GPC6: variants seen among roughly 807,000 people sequenced by gnomAD.
The protein encoded by GPC6 is glypican-6.
A neutral mutation model predicts 55.2 loss-of-function variants in GPC6; 14 were observed. The ratio of observed to expected loss-of-function variants is 0.25; its 90% CI spans 0.17 to 0.40. The LOEUF (loss-of-function observed/expected upper bound fraction) is 0.40. Ranked by LOEUF, GPC6 falls within the 10% of genes least tolerant of loss-of-function variation. GPC6 has a pLI of 1.00. For synonymous variants in GPC6, 278 were observed against 259.6 expected, an observed-to-expected ratio of 1.07 and a Z score of -0.68; for missense variants, 641 against 708.5, an observed-to-expected ratio of 0.90 and a Z score of 1.08.
intron 1 of GPC6, among the ~76,000 whole-genome samples, chr13:93,427,091 T>C (rs1391790327): frequency 6.7e-6 from 1 of 149,616 alleles, no homozygotes; most frequent in African/African-American, 2.4e-5. Context: ...GGTTGTTTGT[T>C]TTTTTCTTGT....
At chr13:94,010,107 A>T (rs552697723) in intron 3 of GPC6, among the ~76,000 whole-genome samples, 48 of 152,224 alleles carry the variant, frequency 3.2e-4, no homozygotes, top group Non-Finnish European at 5.7e-4. Flanking sequence ...ATCGATGCTT[A>T]TTATGAGAGA....
Position 94,012,037 on chromosome 13 carries a change from G to A in GPC6, c.712-15692G>A, listed in dbSNP as rs149320094. Among the ~76,000 whole-genome samples, 415 of 152,022 alleles carry A rather than the reference G, an allele frequency of 2.7e-3. 3 individuals are homozygous for A. The highest frequency in any genetic ancestry group is 9.6e-3 in the African/African-American group (399 of 41,466). On this transcript the variant is annotated intron_variant, in intron 3 of 8. Coordinates refer to ENST00000377047, the MANE Select transcript of GPC6 (RefSeq NM_005708.5). ...GTCTTTTTTTCTCCTTTCAAAGACC[G>A]CCATCTTATTTTCTTTGTCCTTTGA...
intron 2 of GPC6, among the ~76,000 whole-genome samples, chr13:93,641,893 A>C (rs1190460934): frequency 6.6e-6 from 1 of 152,138 alleles, no homozygotes; most frequent in East Asian, 1.9e-4. Flanking sequence ...CCAAATGAAT[A>C]CTTAATTTCA....
At chr13:93,711,557 A>G (rs147802668) in intron 2 of GPC6, among the ~76,000 whole-genome samples, 152 of 150,520 alleles carry the variant, frequency 1.0e-3, no homozygotes, top group Middle Eastern at 3.4e-3. Context: ...AGACATAAAT[A>G]TGTCATCCCA....
intron 1 of GPC6, among the ~76,000 whole-genome samples, chr13:93,521,794 A>G (rs1881431691): frequency 6.6e-6 from 1 of 152,000 alleles, no homozygotes; most frequent in South Asian, 2.1e-4. Context: ...ATAATGACAT[A>G]GTTGAGGGTG....
chr13:93,711,055 T>C (rs1005406811), intron 2 of GPC6, among the ~76,000 whole-genome samples: 18 of 151,770 alleles, frequency 1.2e-4, no homozygotes, highest in Admixed American at 1.2e-3. Flanking sequence ...TTTAAATTCA[T>C]TACAGATTAA....
Position 93,830,636 on chromosome 13 carries a change from A to AC in GPC6, c.711+91_711+92insC, listed in dbSNP as rs774467544. On this transcript the variant is annotated intron_variant, in intron 3 of 8. Transcript: ENST00000377047. The stretch of plus-strand genomic sequence containing the variant: ...TTAAAAAAAAAAAAAAAAAAAAAAA[A>AC]AACCAAGGTAAAAATTCTTAATTGG... The AC allele has an allele frequency of 3.8e-5, 44 of 1,157,948 alleles. No individual in the cohort carries two copies. The African/African-American group carries it at 5.4e-4, about 14-fold the overall frequency. 71.7% of individuals were successfully genotyped at this position (1,157,948 alleles called of 1,614,324 possible). A position where few individuals can be genotyped will look rare whatever the true frequency, so the allele number is the denominator to read the frequency against.
At chr13:93,835,394 G>A (rs976148264) in intron 3 of GPC6, among the ~76,000 whole-genome samples, 21 of 152,224 alleles carry the variant, frequency 1.4e-4, no homozygotes, top group East Asian at 5.8e-4. Flanking sequence ...GGTGGAGGTC[G>A]TAGTGAGCCG....
intron 2 of GPC6, among the ~76,000 whole-genome samples, chr13:93,587,933 C>A (rs1353442815): frequency 6.6e-6 from 1 of 152,184 alleles, no homozygotes; most frequent in Non-Finnish European, 1.5e-5. Context: ...GAGCTCTCTC[C>A]AGCCTACAGT....
intron 2 of GPC6, among the ~76,000 whole-genome samples, chr13:93,774,209 G>A (rs9556323): frequency 0.044 from 6,633 of 152,192 alleles, 378 homozygotes; most frequent in East Asian, 0.3. Flanking sequence ...CCTAAGTAAC[G>A]CAGGTGGCCA....
chr13:94,217,217 A>G (rs1890252927), intron 4 of GPC6, among the ~76,000 whole-genome samples: 4 of 152,202 alleles, frequency 2.6e-5, no homozygotes, highest in African/African-American at 7.2e-5. Context: ...GTCAGTAAGT[A>G]CAGAATTCAA....
At chr13:93,364,510 GGT>G (rs1347724589) in intron 1 of GPC6, among the ~76,000 whole-genome samples, 5 of 151,698 alleles carry the variant, frequency 3.3e-5, no homozygotes, top group Non-Finnish European at 5.9e-5. Flanking sequence ...ATGTTGCTGT[GGT>G]GTGTCATTTA....
At chr13:93,727,630 A>G (rs1883689135) in intron 2 of GPC6, among the ~76,000 whole-genome samples, 1 of 152,174 alleles carries the variant, frequency 6.6e-6, no homozygotes, top group Admixed American at 6.5e-5. Context: ...CACAAAACCA[A>G]GCATGAAACC....
At chr13:93,846,629 A>G (rs1467336847) in intron 3 of GPC6, among the ~76,000 whole-genome samples, 1 of 152,198 alleles carries the variant, frequency 6.6e-6, no homozygotes, top group Non-Finnish European at 1.5e-5. Context: ...TCTGGCCAAC[A>G]TGGTGAAACC....
At chr13:93,467,575 C>CT (rs11426472) in intron 1 of GPC6, among the ~76,000 whole-genome samples, 21,646 of 74,206 alleles carry the variant, frequency 0.29, 4,445 homozygotes, top group African/African-American at 0.35. Flanking sequence ...AGCTGTGATT[C>CT]TTTTTTTTTT....
At chr13:93,857,410 G>A in intron 3 of GPC6, among the ~76,000 whole-genome samples, 1 of 151,506 alleles carries the variant, frequency 6.6e-6, no homozygotes, top group East Asian at 2.0e-4. Flanking sequence ...AGAATAATTT[G>A]ATCAGGTCCT....
intron 2 of GPC6, among the ~76,000 whole-genome samples, chr13:93,636,155 T>C (rs1258790364): frequency 9.2e-5 from 14 of 152,194 alleles, no homozygotes; most frequent in African/African-American, 3.4e-4. Flanking sequence ...TTTACTTTAA[T>C]AAATGCTGGA....
intron 3 of GPC6, among the ~76,000 whole-genome samples, chr13:93,903,478 A>T (rs1043130256): frequency 1.1e-4 from 17 of 152,094 alleles, no homozygotes; most frequent in Non-Finnish European, 2.4e-4. Flanking sequence ...AATTATTTCT[A>T]CTTTTCTTAA....
At chr13:93,789,509 C>CTCTATATATATATA (rs1363454667) in intron 2 of GPC6, among the ~76,000 whole-genome samples, 2 of 93,482 alleles carry the variant, frequency 2.1e-5, no homozygotes, top group African/African-American at 8.4e-5. Context: ...CTCTCTCTCT[C>CTCTATATATATATA]TATATATATA....
Sources: gnomAD v4.1 joint callset for allele counts (sites outside exome capture counted in the v4.1 genomes callset) on GRCh38, gnomAD v4.1.1 for gene constraint, MANE v1.5 for transcripts, NCBI Gene and HGNC (gene_info 2026-07-23, HGNC 2026-07-21) for gene names.